Variants in SORCS2 observed in about 807,000 individuals in gnomAD.
SORCS2 encodes the protein sortilin related VPS10 domain containing receptor 2, also known as VPS10 domain-containing receptor SorCS2.
SORCS2 carries 100 observed loss-of-function variants against 141.6 expected under a neutral mutation model. The observed-to-expected ratio is 0.71, with a 90% CI of 0.60 to 0.83. SORCS2 has a LOEUF of 0.83. SORCS2 is among the 40% of genes least tolerant of loss of function. SORCS2 has a pLI of 0.00. For missense variants in SORCS2, 1,646 were observed against 1,560.2 expected (o/e 1.05, Z -0.93); for synonymous variants, 789 against 676.9 (o/e 1.17, Z -2.57).
intron 2 of SORCS2, among the ~76,000 whole-genome samples, chr4:7,470,762 G>T (rs139161768): frequency 6.6e-6 from 1 of 152,376 alleles, no homozygotes; most frequent in Non-Finnish European, 1.5e-5. Context: ...AGCCTGCATG[G>T]AGCCCACAAG....
rs1326257349 is a variant in SORCS2, at chr4:7,193,815, C to T, written c.480+689C>T. Among the ~76,000 whole-genome samples the T allele has an allele frequency of 6.6e-6, 1 of 152,206 alleles. No homozygotes were observed. The highest frequency in any genetic ancestry group is 1.5e-5 in the Non-Finnish European group (1 of 68,034). On this transcript the variant is annotated intron_variant, in intron 1 of 26. Transcript: ENST00000507866. The surrounding 1 kb of genome is among the most constrained non-coding windows in gnomAD (Gnocchi z 4.8). ...GGCACAGCAAACTCCCTGCCCTCCC[C>T]CCACCTTCCCGGCTACTCTGGCTTT...
intron 1 of SORCS2, among the ~76,000 whole-genome samples, chr4:7,341,875 G>T (rs1456168815): frequency 6.6e-6 from 1 of 152,124 alleles, no homozygotes; most frequent in East Asian, 1.9e-4. Context: ...TCTAGTCCCT[G>T]GCAGCCACCA....
intron 2 of SORCS2, chr4:7,433,897 A>C: frequency 6.2e-7 from 1 of 1,613,818 alleles, no homozygotes; most frequent in Non-Finnish European, 8.5e-7. Context: ...AGAGGCAGGC[A>C]TTACCGAGCA....
At chr4:7,563,408 G>A (rs181179283) in intron 3 of SORCS2, among the ~76,000 whole-genome samples, 1 of 152,156 alleles carries the variant, frequency 6.6e-6, no homozygotes, top group Non-Finnish European at 1.5e-5. Context: ...CCTACCCAGG[G>A]CAAGTCTAGT....
Position 7,599,609 on chromosome 4 carries a change from C to G in SORCS2, c.649-38719C>G, listed in dbSNP as rs933435469. 7.2e-5 allele frequency among the ~76,000 whole-genome samples: 11 copies of G among 152,268 alleles called. No homozygotes were observed. In the East Asian group the frequency reaches 2.1e-3, roughly 29 times the overall value. ...GCTTCCCTGCAAACTGCACACGTGT[C>G]CCACACACCCGGTTCCATTCAGGTG... On this transcript the variant is annotated intron_variant, in intron 3 of 26. Transcript: ENST00000507866.
chr4:7,694,428 G>A (rs760106124), intron 11 of SORCS2, among the ~76,000 whole-genome samples: 3 of 152,082 alleles, frequency 2.0e-5, no homozygotes, highest in Admixed American at 6.5e-5. Flanking sequence ...TCTTTCCCCC[G>A]AGACTGTTAG....
intron 4 of SORCS2, 62 bp from the exon 5 acceptor site, chr4:7,654,072 C>T: frequency 6.9e-7 from 1 of 1,441,724 alleles, no homozygotes; most frequent in South Asian, 1.2e-5. Flanking sequence ...ATCACCCTCT[C>T]TCAGAAGCAG....
intron 2 of SORCS2, among the ~76,000 whole-genome samples, chr4:7,525,846 C>T (rs1414916906): frequency 1.1e-5 from 1 of 90,652 alleles, no homozygotes; most frequent in Non-Finnish European, 2.4e-5. Flanking sequence ...CCTGGGCCCT[C>T]CTGCAGTCAC....
chr4:7,337,007 A>G (rs1560202168), intron 1 of SORCS2, among the ~76,000 whole-genome samples: 3 of 152,222 alleles, frequency 2.0e-5, no homozygotes, highest in Admixed American at 2.0e-4. Context: ...GACTTACGTC[A>G]GAGTGCTGGG....
At chr4:7,347,344 C>T (rs1487154436) in intron 1 of SORCS2, among the ~76,000 whole-genome samples, 2 of 152,228 alleles carry the variant, frequency 1.3e-5, no homozygotes, top group East Asian at 1.9e-4. Context: ...AATCCATTTA[C>T]GATAGAATTC....
intron 1 of SORCS2, among the ~76,000 whole-genome samples, chr4:7,266,154 G>T (rs776276857): frequency 6.6e-6 from 1 of 152,130 alleles, no homozygotes; most frequent in Non-Finnish European, 1.5e-5. Flanking sequence ...TGTCCCTCAC[G>T]AGTTGGGTCC....
intron 2 of SORCS2, among the ~76,000 whole-genome samples, chr4:7,418,308 G>T (rs1725825185): frequency 1.3e-5 from 2 of 152,200 alleles, no homozygotes; most frequent in Non-Finnish European, 2.9e-5. Context: ...CCATAGGGAG[G>T]AAGTGCTGCG....
At chr4:7,637,622 G>A (rs1057120274) in intron 3 of SORCS2, among the ~76,000 whole-genome samples, 39 of 152,240 alleles carry the variant, frequency 2.6e-4, no homozygotes, top group Non-Finnish European at 2.9e-5. Flanking sequence ...CACTGAGCCA[G>A]CTGGGTTTGG....
intron 4 of SORCS2, among the ~76,000 whole-genome samples, chr4:7,640,669 C>T (rs1029735032): frequency 1.3e-5 from 2 of 151,932 alleles, no homozygotes; most frequent in Admixed American, 6.6e-5. Context: ...CCTTTCTGCC[C>T]TGTGAGGTGA....
At chr4:7,204,319 G>A (rs1225472925) in intron 1 of SORCS2, among the ~76,000 whole-genome samples, 2 of 152,076 alleles carry the variant, frequency 1.3e-5, no homozygotes, top group East Asian at 1.9e-4. Flanking sequence ...CTGACTAAGC[G>A]ATTCTCTCAC....
chr4:7,601,895 G>C (rs1004528664), intron 3 of SORCS2, among the ~76,000 whole-genome samples: 1 of 152,136 alleles, frequency 6.6e-6, no homozygotes, highest in African/African-American at 2.4e-5. Flanking sequence ...CTGCCTTCAA[G>C]CATCTGTTTA....
intron 3 of SORCS2, among the ~76,000 whole-genome samples, chr4:7,580,694 A>G (rs930530904): frequency 6.6e-6 from 1 of 152,168 alleles, no homozygotes; most frequent in African/African-American, 2.4e-5. Context: ...CCTAAGAACA[A>G]TGGAGCTGTC....
intron 1 of SORCS2, among the ~76,000 whole-genome samples, chr4:7,195,949 T>C (rs1727143342): frequency 6.6e-6 from 1 of 152,222 alleles, no homozygotes; most frequent in African/African-American, 2.4e-5. Context: ...ATATCAGGTG[T>C]TCTTCAAAAT....
At chr4:7,434,736 G>C in intron 2 of SORCS2, 1 of 1,613,040 alleles carries the variant, frequency 6.2e-7, no homozygotes. Flanking sequence ...CCCCTTGGCA[G>C]TACCCCACAG....
Sources: gnomAD v4.1 joint callset for allele counts (sites outside exome capture counted in the v4.1 genomes callset) on GRCh38, gnomAD v4.1.1 for gene constraint, Gnocchi (gnomAD v3.1) non-coding constraint, MANE v1.5 for transcripts, NCBI Gene and HGNC (gene_info 2026-07-23, HGNC 2026-07-21) for gene names.